Variants in BABAM2 observed in about 807,000 individuals in gnomAD.
BABAM2 encodes BRISC and BRCA1 A complex member 2, also known as BRISC and BRCA1-A complex member 2.
BABAM2 carries 31 observed loss-of-function variants against 54.7 expected under a neutral mutation model. The ratio of observed to expected loss-of-function variants is 0.57; its 90% confidence interval spans 0.43 to 0.77. BABAM2 has a LOEUF of 0.77. Among genes scored for constraint, BABAM2 ranks in the 30% least tolerant of loss-of-function variants. The pLI is 0.00. For synonymous variants in BABAM2, 167 were observed against 162.9 expected (o/e 1.03, Z -0.19); for missense variants, 364 against 455.8 (o/e 0.80, Z 1.83).
chr2:27,960,453 G>T (rs1670386122), intron 3 of BABAM2, among the ~76,000 whole-genome samples: 1 of 148,540 alleles, frequency 6.7e-6, no homozygotes. Flanking sequence ...GATTGGTGTG[G>T]TTTTTTTTTT....
intron 10 of BABAM2, among the ~76,000 whole-genome samples, chr2:28,275,126 A>G (rs528636011): frequency 4.3e-4 from 65 of 152,210 alleles, no homozygotes; most frequent in Non-Finnish European, 7.9e-4. Flanking sequence ...GGGAATTTTC[A>G]GATGGACCAG....
chr2:27,982,215 A>G (rs1351583560), intron 3 of BABAM2, among the ~76,000 whole-genome samples: 4 of 151,948 alleles, frequency 2.6e-5, no homozygotes, highest in African/African-American at 9.7e-5. Context: ...TTGCCTTTAT[A>G]TTGTTGACTT....
chr2:28,127,272 C>G lies in BABAM2; in HGVS notation c.571-1999C>G, dbSNP rs141752696. Among the ~76,000 whole-genome samples the G allele has an allele frequency of 4.6e-3, 693 of 152,222 alleles. 3 individuals are homozygous for G. The highest frequency in any genetic ancestry group is 0.016 in the African/African-American group (666 of 41,522). ...GGCCAAAGAGACAAGAAAAGACCAT[C>G]AAGAAAAGAGAGTTTCGAGAGGCAA... On this transcript the variant is annotated intron_variant, in intron 6 of 11. Transcript: ENST00000379624.
At chr2:28,315,023 GGAGA>G (rs5830067) in intron 11 of BABAM2, among the ~76,000 whole-genome samples, 116,804 of 136,108 alleles carry the variant, frequency 0.86, 50,526 homozygotes, top group East Asian at 1. Flanking sequence ...AAAGAGAGAA[GGAGA>G]GAGAGAGAAG....
At chr2:27,965,125 GT>G (rs1670747791) in intron 3 of BABAM2, among the ~76,000 whole-genome samples, 1 of 152,108 alleles carries the variant, frequency 6.6e-6, no homozygotes, top group African/African-American at 2.4e-5. Flanking sequence ...TGTTGTCCTG[GT>G]TAATTATTAA....
intron 7 of BABAM2, among the ~76,000 whole-genome samples, chr2:28,217,930 A>C (rs555291666): frequency 6.6e-6 from 1 of 152,342 alleles, no homozygotes; most frequent in African/African-American, 2.4e-5. Context: ...CAGTGGATCT[A>C]ATATAAACAT....
intron 7 of BABAM2, among the ~76,000 whole-genome samples, chr2:28,194,013 A>T (rs1187493530): frequency 6.6e-6 from 1 of 152,082 alleles, no homozygotes; most frequent in Non-Finnish European, 1.5e-5. Context: ...CCGTAACCAA[A>T]TTTGGGGGGT....
chr2:28,041,262 A>G (rs1180041946), intron 5 of BABAM2, among the ~76,000 whole-genome samples: 1 of 152,218 alleles, frequency 6.6e-6, no homozygotes, highest in East Asian at 1.9e-4. Context: ...TTTAATTTAC[A>G]GGTTACAGGT....
intron 7 of BABAM2, among the ~76,000 whole-genome samples, chr2:28,211,091 C>A (rs945630602): frequency 7.9e-5 from 12 of 152,018 alleles, no homozygotes; most frequent in African/African-American, 2.7e-4. Context: ...AGTTTGTATT[C>A]CCTGAGCAAA....
chr2:27,892,456 C>T (rs1573097023), intron 1 of BABAM2: 1 of 151,912 alleles, frequency 6.6e-6, no homozygotes, highest in Non-Finnish European at 1.5e-5. Flanking sequence ...TAGGTGAGAC[C>T]CTTTTGCTTT....
intron 3 of BABAM2, among the ~76,000 whole-genome samples, chr2:27,982,531 A>G (rs532991286): frequency 1.3e-5 from 2 of 151,406 alleles, no homozygotes; most frequent in East Asian, 3.9e-4. Context: ...GATATGAGGT[A>G]GGGGCCCAAC....
intron 4 of BABAM2, among the ~76,000 whole-genome samples, chr2:28,023,191 TTA>T (rs1272305505): frequency 6.6e-6 from 1 of 152,226 alleles, no homozygotes; most frequent in African/African-American, 2.4e-5. Context: ...TGTTGCCAAC[TTA>T]TATGTTTTTA....
chr2:27,890,266 T>A, upstream of BABAM2: 1 of 1,613,502 alleles, frequency 6.2e-7, no homozygotes, highest in Non-Finnish European at 8.5e-7. This position sits in a 1 kb window ranked among gnomAD's most constrained non-coding sequence, Gnocchi z 4.8. Flanking sequence ...CCTGACCAGG[T>A]CGGTCATGCA....
intron 7 of BABAM2, among the ~76,000 whole-genome samples, chr2:28,231,947 A>T (rs977772817): frequency 6.6e-6 from 1 of 151,228 alleles, no homozygotes; most frequent in Admixed American, 6.6e-5. Flanking sequence ...AGCTGGGACT[A>T]TAGGCACATA....
intron 7 of BABAM2, among the ~76,000 whole-genome samples, chr2:28,208,169 C>T (rs1490205147): frequency 6.6e-6 from 1 of 152,090 alleles, no homozygotes; most frequent in Non-Finnish European, 1.5e-5. Flanking sequence ...GCTCCTGGTA[C>T]TGCTTTCTAG....
At chr2:28,096,744 C>T (rs1255021998) in intron 6 of BABAM2, among the ~76,000 whole-genome samples, 2 of 151,276 alleles carry the variant, frequency 1.3e-5, no homozygotes, top group East Asian at 3.9e-4. Flanking sequence ...CTTCCTTCTT[C>T]CCTTCCTCCC....
At chr2:28,048,587 C>A (rs1276101664) in intron 6 of BABAM2, among the ~76,000 whole-genome samples, 1 of 152,128 alleles carries the variant, frequency 6.6e-6, no homozygotes, top group Non-Finnish European at 1.5e-5. Context: ...TCATACAAAT[C>A]CTCTTCTTCT....
At chr2:28,274,001 C>G (rs542758024) in intron 10 of BABAM2, among the ~76,000 whole-genome samples, 23 of 152,334 alleles carry the variant, frequency 1.5e-4, no homozygotes, top group Middle Eastern at 3.4e-3. Context: ...CCTGTGTTTG[C>G]CACTCCCGTG....
At chr2:28,128,845 A>G (rs185385306) in intron 6 of BABAM2, among the ~76,000 whole-genome samples, 1 of 152,088 alleles carries the variant, frequency 6.6e-6, no homozygotes, top group East Asian at 1.9e-4. Context: ...AATTTTTGCT[A>G]TTTAAATAGC....
Sources: allele counts gnomAD v4.1 joint callset (sites outside exome capture counted in the v4.1 genomes callset), GRCh38; gene constraint gnomAD v4.1.1; non-coding constraint Gnocchi (gnomAD v3.1); transcripts MANE v1.5; gene names NCBI Gene and HGNC (gene_info 2026-07-23, HGNC 2026-07-21).